The following SCHIP1 variants were observed in gnomAD, a reference collection of about 807,000 sequenced individuals.
The protein encoded by SCHIP1 is schwannomin interacting protein 1, also known as schwannomin-interacting protein 1.
A neutral mutation model predicts 29.7 loss-of-function variants in SCHIP1; 8 were observed. That is an observed-to-expected ratio of 0.27 (90% CI 0.16 to 0.49). SCHIP1 has a LOEUF of 0.49. Among genes scored for constraint, SCHIP1 ranks in the 20% least tolerant of loss-of-function variants. The probability of loss-of-function intolerance (pLI) is 0.99; values close to 1 mark genes in which losing one functional copy is unlikely to be tolerated. For missense variants in SCHIP1, 193 were observed against 294.6 expected (o/e 0.66, Z 2.52); for synonymous variants, 76 against 94.9 (o/e 0.80, Z 1.16).
chr3:159,764,312 C>A, the SCHIP1 span: 1 of 1,124,178 alleles, frequency 8.9e-7, no homozygotes, highest in Non-Finnish European at 1.2e-6. The surrounding 1 kb of genome is among the most constrained non-coding windows in gnomAD (Gnocchi z 6.1). Context: ...CGCCCCCAGG[C>A]CTCCTTGGGG....
the SCHIP1 span, among the ~76,000 whole-genome samples, chr3:159,563,049 A>G: frequency 6.6e-6 from 1 of 152,220 alleles, no homozygotes; most frequent in Non-Finnish European, 1.5e-5. Context: ...ATCTTTAGAT[A>G]TGTCTGTTTT....
At chr3:159,816,660 A>T in the SCHIP1 span, among the ~76,000 whole-genome samples, 1 of 152,208 alleles carries the variant, frequency 6.6e-6, no homozygotes, top group African/African-American at 2.4e-5. Flanking sequence ...AAACACTGTA[A>T]TGACTTCCTC....
the SCHIP1 span, among the ~76,000 whole-genome samples, chr3:159,415,365 G>A: frequency 0.11 from 16,446 of 152,044 alleles, 1,021 homozygotes; most frequent in Non-Finnish European, 0.13. Flanking sequence ...ATCATATCAC[G>A]GGGGTTTGTT....
intron 6 of SCHIP1, chr3:159,892,609 C>G (rs1238412601): frequency 4.2e-6 from 1 of 235,842 alleles, no homozygotes; most frequent in Non-Finnish European, 8.2e-6. Context: ...CTCTGCCATG[C>G]CCAGAAGGCA....
At chr3:159,736,755 G>A in the SCHIP1 span, among the ~76,000 whole-genome samples, 2 of 145,904 alleles carry the variant, frequency 1.4e-5, no homozygotes, top group African/African-American at 5.1e-5. Context: ...TTTTTTTTGA[G>A]ACGGAGTCTC....
chr3:159,517,172 C>T, the SCHIP1 span, among the ~76,000 whole-genome samples: 1 of 150,154 alleles, frequency 6.7e-6, no homozygotes, highest in South Asian at 2.1e-4. Context: ...AAATTTTACT[C>T]TAAAGTGCTG....
At chr3:159,743,036 AACTG>A in the SCHIP1 span, among the ~76,000 whole-genome samples, 7 of 151,876 alleles carry the variant, frequency 4.6e-5, no homozygotes, top group Admixed American at 3.9e-4. Context: ...TTCCTCCTAA[AACTG>A]ACTATCTTCT....
chr3:159,413,328 T>C, the SCHIP1 span, among the ~76,000 whole-genome samples: 2 of 152,224 alleles, frequency 1.3e-5, no homozygotes, highest in Admixed American at 1.3e-4. Context: ...CTATCCTCAA[T>C]GGCGGTTATG....
At chr3:159,509,215 T>A in the SCHIP1 span, among the ~76,000 whole-genome samples, 1 of 152,228 alleles carries the variant, frequency 6.6e-6, no homozygotes. Flanking sequence ...CCCTTTACCA[T>A]TATGTAATGG....
At position 159,850,630 on chromosome 3, in the gene SCHIP1, G is replaced by A. The variant is rs1310713312; in HGVS notation, c.30+10416G>A. Among the ~76,000 whole-genome samples, 3 of 151,980 alleles carry A rather than the reference G, an allele frequency of 2.0e-5. No homozygotes were observed. The East Asian group carries it at 5.8e-4, about 29-fold the overall frequency. ...GTTTAATTGGCTCATGGTTCTGCTGGCAGTACAGGAAGCATGGTGGGGGAG... is the reference window on the plus strand; with the variant it reads ...GTTTAATTGGCTCATGGTTCTGCTGACAGTACAGGAAGCATGGTGGGGGAG... On this transcript the variant is annotated intron_variant, in intron 1 of 6. Transcript: ENST00000445224.
the SCHIP1 span, among the ~76,000 whole-genome samples, chr3:159,382,556 G>A: frequency 1.4e-4 from 22 of 152,194 alleles, no homozygotes; most frequent in African/African-American, 4.1e-4. Flanking sequence ...GAATAGAGCC[G>A]CAATAAACAT....
the SCHIP1 span, among the ~76,000 whole-genome samples, chr3:159,378,856 G>T: frequency 1.5e-3 from 234 of 152,300 alleles, 3 homozygotes; most frequent in African/African-American, 5.2e-3. Flanking sequence ...TGCTGCTCTT[G>T]CTGGTAATAT....
chr3:159,310,348 T>C, the SCHIP1 span, among the ~76,000 whole-genome samples: 1 of 152,210 alleles, frequency 6.6e-6, no homozygotes, highest in South Asian at 2.1e-4. Context: ...CGCAGCCATG[T>C]TACTTCATTA....
intron 6 of SCHIP1, 54 bp from the exon 8 acceptor site, chr3:159,896,669 A>T: frequency 6.7e-7 from 1 of 1,501,736 alleles, no homozygotes; most frequent in East Asian, 2.4e-5. Context: ...TTGATTGAAA[A>T]GCAGTTTGGA....
chr3:159,553,700 T>C, the SCHIP1 span, among the ~76,000 whole-genome samples: 2 of 152,178 alleles, frequency 1.3e-5, no homozygotes, highest in Non-Finnish European at 2.9e-5. Context: ...AACCACAAAT[T>C]TGGGCTCAAG....
chr3:159,674,672 TAAG>T, the SCHIP1 span, among the ~76,000 whole-genome samples: 1 of 131,590 alleles, frequency 7.6e-6, no homozygotes, highest in Admixed American at 8.1e-5. Flanking sequence ...AAAAGTAGGA[TAAG>T]AAGGGAGGCA....
At chr3:159,513,389 ATTC>A in the SCHIP1 span, among the ~76,000 whole-genome samples, 1 of 152,230 alleles carries the variant, frequency 6.6e-6, no homozygotes, top group African/African-American at 2.4e-5. Context: ...TGATTCAGGT[ATTC>A]TTCTGTTTGA....
chr3:159,577,867 C>G, the SCHIP1 span, among the ~76,000 whole-genome samples: 2 of 152,088 alleles, frequency 1.3e-5, no homozygotes, highest in African/African-American at 4.8e-5. Context: ...AAGCAATCAA[C>G]CAGAAAATAC....
upstream of SCHIP1, among the ~76,000 whole-genome samples, chr3:159,836,171 A>G (rs1215049810): frequency 2.0e-5 from 3 of 152,210 alleles, no homozygotes; most frequent in African/African-American, 7.2e-5. Flanking sequence ...GTAATAAAAT[A>G]TCATAAACTG....
Sources: gnomAD v4.1 joint callset for allele counts (sites outside exome capture counted in the v4.1 genomes callset) on GRCh38, gnomAD v4.1.1 for gene constraint, Gnocchi (gnomAD v3.1) non-coding constraint, MANE v1.5 for transcripts, NCBI Gene and HGNC (gene_info 2026-07-23, HGNC 2026-07-21) for gene names.